The following NMNAT1 variants were observed in gnomAD, a reference collection of about 807,000 sequenced individuals.
The protein encoded by NMNAT1 is nicotinamide/nicotinic acid mononucleotide adenylyltransferase 1.
NMNAT1 carries 11 observed loss-of-function variants against 16.7 expected under a neutral mutation model. The ratio of observed to expected loss-of-function variants is 0.66; its 90% CI spans 0.41 to 1.09. NMNAT1 has a LOEUF of 1.09. NMNAT1 is among the 50% of genes least tolerant of loss of function. The probability of loss-of-function intolerance (pLI) is 0.00; values close to 1 mark genes in which losing one functional copy is unlikely to be tolerated. For synonymous variants in NMNAT1, 110 were observed against 119.8 expected, an observed-to-expected ratio of 0.92 and a Z score of 0.53; for missense variants, 280 against 332.3, an observed-to-expected ratio of 0.84 and a Z score of 1.22.
chr1:9,985,161 G>C lies in NMNAT1; in HGVS notation c.*2460G>C, dbSNP rs944614764. The C allele has an allele frequency of 6.6e-6, 1 of 151,950 alleles. No individual in the cohort carries two copies. Among genetic ancestry groups the C allele is most frequent in the Non-Finnish European group, 1.5e-5 (1 of 68,020 alleles). 9.4% of individuals were successfully genotyped at this position (151,950 alleles called of 1,614,324 possible). The stretch of plus-strand genomic sequence containing the variant: ...GCCTATGATCTAAACATTTCACCAC[G>C]GCATCCACTCAGCTGTGAGGCTGCG... On this transcript the variant is annotated 3_prime_UTR_variant, in exon 5 of 5. Transcript: ENST00000377205.
intron 1 of NMNAT1, among the ~76,000 whole-genome samples, chr1:9,957,416 G>A (rs2101657344): frequency 6.6e-6 from 1 of 151,690 alleles, no homozygotes; most frequent in East Asian, 1.9e-4. Context: ...CACCTCCCGG[G>A]TTCAAGCAAT....
downstream of NMNAT1, among the ~76,000 whole-genome samples, chr1:9,988,302 T>C (rs563552972): frequency 6.0e-4 from 91 of 152,172 alleles, no homozygotes; most frequent in African/African-American, 2.1e-3. Context: ...ACCAAAGTAG[T>C]ATTTTATTTA....
chr1:9,987,855 CA>C (rs1304091483), downstream of NMNAT1, among the ~76,000 whole-genome samples: 4 of 151,994 alleles, frequency 2.6e-5, no homozygotes, highest in Non-Finnish European at 5.9e-5. Context: ...CTAAAAGTAT[CA>C]ATGTCACCAA....
chr1:9,986,030 C>T (rs1463305395), downstream of NMNAT1, among the ~76,000 whole-genome samples: 2 of 152,156 alleles, frequency 1.3e-5, no homozygotes, highest in African/African-American at 4.8e-5. Flanking sequence ...TCACTGTCCC[C>T]TTGCTATCCT....
intron 1 of NMNAT1, among the ~76,000 whole-genome samples, chr1:9,948,005 A>T (rs1410485170): frequency 6.6e-6 from 1 of 152,220 alleles, no homozygotes; most frequent in African/African-American, 2.4e-5. Flanking sequence ...TCTGTTAATC[A>T]TGGTAATATA....
At position 9,975,679 on chromosome 1, in the gene NMNAT1, TC is replaced by T; in HGVS notation, c.204del (p.Met69TrpfsTer28). 1 of 1,614,056 alleles carries T rather than the reference TC, an allele frequency of 6.2e-7. No homozygotes were observed. The highest frequency in any genetic ancestry group is 8.5e-7 in the Non-Finnish European group (1 of 1,179,948). ...CTCATTCCTGCCTATCACCGGGTCA[TC>T]ATGGCAGAACTTGCTACCAAGAATT... ...KGLIPAYHRV[I>X]MAELATKNSK... is the part of the protein sequence containing the mutation. On this transcript the variant is annotated frameshift_variant, in exon 3 of 5. Transcript: ENST00000377205. LOFTEE classifies it high-confidence loss of function.
chr1:9,981,235 T>G, intron 4 of NMNAT1, 65 bp downstream of exon 4: 1 of 1,557,094 alleles, frequency 6.4e-7, no homozygotes, highest in East Asian at 2.3e-5. Flanking sequence ...AGCAAACCCC[T>G]GTGTATTTTT....
chr1:9,973,096 T>C (rs929309441), intron 2 of NMNAT1, among the ~76,000 whole-genome samples: 1 of 152,218 alleles, frequency 6.6e-6, no homozygotes, highest in Non-Finnish European at 1.5e-5. Flanking sequence ...GCACAGCTTT[T>C]TAAAAGTTTT....
At chr1:9,948,037 T>C (rs1259156894) in intron 1 of NMNAT1, among the ~76,000 whole-genome samples, 1 of 152,180 alleles carries the variant, frequency 6.6e-6, no homozygotes, top group Non-Finnish European at 1.5e-5. Flanking sequence ...GGAATTTCAT[T>C]CTTATTGTGT....
intron 1 of NMNAT1, among the ~76,000 whole-genome samples, chr1:9,960,337 AT>A: frequency 6.6e-6 from 1 of 152,228 alleles, no homozygotes; most frequent in Non-Finnish European, 1.5e-5. Context: ...TTATGTTAAT[AT>A]TTACATCTCA....
intron 3 of NMNAT1, 88 bp downstream of exon 3, chr1:9,975,863 G>A: frequency 9.0e-7 from 1 of 1,108,704 alleles, no homozygotes. Flanking sequence ...GCTTACATCT[G>A]TGAACATACA....
At position 9,965,232 on chromosome 1, in the gene NMNAT1, G is replaced by A. The variant is rs554087679; in HGVS notation, c.-56-6786G>A. ...CTCAGGAGGCTGAGGCAGGAGAATC[G>A]CTTGAACCCAGGAGGCGGAGGTTGC... is the stretch of plus-strand genomic sequence containing the variant. On this transcript the variant is annotated intron_variant, in intron 1 of 4. Coordinates refer to ENST00000377205, the MANE Select transcript of NMNAT1 (RefSeq NM_022787.4). Among the ~76,000 whole-genome samples the A allele has an allele frequency of 9.7e-4, 140 of 143,746 alleles. 1 individual carries two copies. Among genetic ancestry groups the A allele is most frequent in the African/African-American group, 3.5e-3 (137 of 38,928 alleles). 94.3% of individuals were successfully genotyped at this position (143,746 alleles called of 152,430 possible). A position where few individuals can be genotyped will look rare whatever the true frequency, so the allele number is the denominator to read the frequency against.
At chr1:9,978,640 C>A (rs1318680411) in intron 3 of NMNAT1, among the ~76,000 whole-genome samples, 1 of 152,102 alleles carries the variant, frequency 6.6e-6, no homozygotes, top group Non-Finnish European at 1.5e-5. Flanking sequence ...GGAGCAAGTT[C>A]CTGGGCCACA....
chr1:9,955,073 T>C (rs1641221466), intron 1 of NMNAT1, among the ~76,000 whole-genome samples: 1 of 151,778 alleles, frequency 6.6e-6, no homozygotes. Context: ...TCACCTGAGG[T>C]CAGGACTTTG....
chr1:9,995,023 C>T, the NMNAT1 span, among the ~76,000 whole-genome samples: 182 of 151,950 alleles, frequency 1.2e-3, 1 homozygote, highest in African/African-American at 4.1e-3. Flanking sequence ...GCTGGGATTA[C>T]AGGTGTGAGC....
chr1:9,943,993 G>T (rs1383602443), intron 1 of NMNAT1, among the ~76,000 whole-genome samples: 3 of 152,128 alleles, frequency 2.0e-5, no homozygotes, highest in Admixed American at 6.5e-5. Flanking sequence ...GGTGGCTCAC[G>T]CCTGTAATCC....
At chr1:9,986,783 G>A (rs968094392), downstream of NMNAT1, among the ~76,000 whole-genome samples, 1 of 152,164 alleles carries the variant, frequency 6.6e-6, no homozygotes, top group Non-Finnish European at 1.5e-5. Flanking sequence ...TCAGGAGGCT[G>A]AGGTGAGAGG....
At chr1:9,991,354 G>A in the NMNAT1 span, among the ~76,000 whole-genome samples, 1 of 152,038 alleles carries the variant, frequency 6.6e-6, no homozygotes, top group Non-Finnish European at 1.5e-5. Flanking sequence ...GTTTTTAGTA[G>A]AGATGGGATT....
Position 9,957,469 on chromosome 1 carries a change from G to A in NMNAT1, c.-57+13954G>A, listed in dbSNP as rs547192003. ...CCGAGTAGCTGGATTACAGGCATGC[G>A]CCACCACGCGAGAGTGGGCTTCACC... On this transcript the variant is annotated intron_variant, in intron 1 of 4. Coordinates refer to ENST00000377205, the MANE Select transcript of NMNAT1 (RefSeq NM_022787.4). Among the ~76,000 whole-genome samples, 145 of 150,438 alleles carry A rather than the reference G, an allele frequency of 9.6e-4. 1 individual carries two copies. Among genetic ancestry groups the A allele is most frequent in the African/African-American group, 3.2e-3 (129 of 40,878 alleles).
Sources: gnomAD v4.1 joint callset for allele counts (sites outside exome capture counted in the v4.1 genomes callset) on GRCh38, gnomAD v4.1.1 for gene constraint, MANE v1.5 for transcripts, NCBI Gene and HGNC (gene_info 2026-07-23, HGNC 2026-07-21) for gene names.